IFT43: variants seen among roughly 807,000 people sequenced by gnomAD.
IFT43 encodes the protein intraflagellar transport 43.
In IFT43, 33 loss-of-function variants were observed where a neutral mutation model predicts 32.3. That is an observed-to-expected ratio of 1.02 (90% CI 0.77 to 1.37). IFT43 has a LOEUF of 1.37. Ranked by LOEUF, IFT43 falls within the 40% of genes most tolerant of loss-of-function variation. IFT43 has a pLI of 0.00. For missense variants in IFT43, 274 were observed against 265.9 expected (o/e 1.03, Z -0.21); for synonymous variants, 93 against 98.2 (o/e 0.95, Z 0.31).
intron 3 of IFT43, among the ~76,000 whole-genome samples, chr14:76,035,764 G>A (rs1357845769): frequency 1.3e-5 from 2 of 152,228 alleles, no homozygotes; most frequent in Non-Finnish European, 2.9e-5. Flanking sequence ...TGCCCAGCTG[G>A]TGTGCCATGT....
At chr14:76,065,673 A>G (rs2037214999) in intron 5 of IFT43, among the ~76,000 whole-genome samples, 1 of 152,170 alleles carries the variant, frequency 6.6e-6, no homozygotes, top group South Asian at 2.1e-4. Context: ...TGTTGCATAC[A>G]TCATTAGCCT....
At chr14:76,074,910 C>T (rs997318015) in intron 5 of IFT43, among the ~76,000 whole-genome samples, 3 of 152,220 alleles carry the variant, frequency 2.0e-5, no homozygotes, top group African/African-American at 7.2e-5. Context: ...GCTGTCACAG[C>T]TTAGGGGGCT....
intron 5 of IFT43, among the ~76,000 whole-genome samples, chr14:76,064,025 T>TG (rs998878462): frequency 5.3e-5 from 8 of 152,058 alleles, no homozygotes; most frequent in Admixed American, 4.6e-4. Flanking sequence ...GGGCAGGGGA[T>TG]GGGGGGCAAT....
chr14:76,062,093 CAG>C (rs1197371651), intron 5 of IFT43, among the ~76,000 whole-genome samples: 2 of 148,312 alleles, frequency 1.3e-5, no homozygotes, highest in African/African-American at 5.0e-5. Flanking sequence ...TTTTTTTAAA[CAG>C]AGTCTCACTC....
intron 3 of IFT43, among the ~76,000 whole-genome samples, chr14:76,055,585 A>G (rs1175095341): frequency 6.6e-6 from 1 of 152,158 alleles, no homozygotes; most frequent in Non-Finnish European, 1.5e-5. Flanking sequence ...CCTGAAGTTT[A>G]AAAAACATCG....
intron 2 of IFT43, among the ~76,000 whole-genome samples, chr14:76,000,756 G>T (rs1416081876): frequency 6.6e-6 from 1 of 152,186 alleles, no homozygotes; most frequent in African/African-American, 2.4e-5. Context: ...ATTGGCTGTT[G>T]GAAGTGGGAG....
chr14:76,024,977 G>T (rs1195918101), intron 3 of IFT43, among the ~76,000 whole-genome samples: 1 of 152,150 alleles, frequency 6.6e-6, no homozygotes, highest in African/African-American at 2.4e-5. Flanking sequence ...TAAGTCAGAA[G>T]GAGCAAGTGC....
intron 1 of IFT43, 44 bp downstream of exon 1, chr14:75,985,884 T>G (rs552272190): frequency 9.4e-6 from 15 of 1,598,480 alleles, no homozygotes; most frequent in Admixed American, 1.7e-5. Context: ...ATTTGGCGGG[T>G]GGGGAGGAGC....
chr14:75,989,257 G>A (rs1411803588), intron 2 of IFT43, among the ~76,000 whole-genome samples: 1 of 151,992 alleles, frequency 6.6e-6, no homozygotes, highest in Non-Finnish European at 1.5e-5. Context: ...TCAAAATCCA[G>A]TAGGATTCCA....
At chr14:76,048,820 C>T (rs1267357111) in intron 3 of IFT43, among the ~76,000 whole-genome samples, 2 of 152,148 alleles carry the variant, frequency 1.3e-5, no homozygotes, top group East Asian at 3.9e-4. Flanking sequence ...AGGGATTCAC[C>T]AGGGTGGGCC....
chr14:75,992,339 A>G (rs1241101402), intron 2 of IFT43, among the ~76,000 whole-genome samples: 1 of 152,214 alleles, frequency 6.6e-6, no homozygotes, highest in Non-Finnish European at 1.5e-5. Flanking sequence ...GACGCTTTTT[A>G]ATAAACTGAA....
intron 3 of IFT43, among the ~76,000 whole-genome samples, chr14:76,036,075 G>A (rs2036592370): frequency 6.6e-6 from 1 of 152,164 alleles, no homozygotes; most frequent in Non-Finnish European, 1.5e-5. Flanking sequence ...AATAAATAAT[G>A]CAATTGATTC....
chr14:76,015,104 C>T (rs181599604), intron 2 of IFT43, among the ~76,000 whole-genome samples: 6 of 152,254 alleles, frequency 3.9e-5, no homozygotes, highest in Non-Finnish European at 7.4e-5. Flanking sequence ...ACATAGGTAA[C>T]AAGGTTGATT....
rs1462377959 is a variant in IFT43 at position 75,999,263 on chromosome 14, A to T, written c.147+10286A>T. 7.7e-4 allele frequency among the ~76,000 whole-genome samples: 19 copies of T among 24,558 alleles called. 2 individuals are homozygous for T. Among genetic ancestry groups the T allele is most frequent in the African/African-American group, 4.4e-3 (17 of 3,830 alleles). 16.1% of individuals were successfully genotyped at this position (24,558 alleles called of 152,430 possible). On this transcript the variant is annotated intron_variant, in intron 2 of 8. Coordinates refer to ENST00000314067, the MANE Select transcript of IFT43 (RefSeq NM_001102564.3). ...TATATATATATATATATATATATAT[A>T]TATATATATGTATATATATTTTTTT...
At chr14:76,056,102 ACAG>A (rs57907565) in intron 3 of IFT43, among the ~76,000 whole-genome samples, 112 of 152,304 alleles carry the variant, frequency 7.4e-4, no homozygotes, top group Non-Finnish European at 1.2e-3. Context: ...CAAAAAATAG[ACAG>A]CAGTATGGTT....
chr14:76,022,334 C>G lies in IFT43; in HGVS notation c.155C>G (p.Ser52Cys). ...ACTTCTCTTTCCTTGTAGACTTCCT[C>G]TGCTAAATTACCTCGCTGCCGACAG... ...SSLTLTGETSSAKLPRCRQGG... is the reference protein window; with the variant it reads ...SSLTLTGETSCAKLPRCRQGG... Residue 52 changes from serine to cysteine, a missense_variant, in exon 3 of 9, where the codon TCT (serine) becomes TGT (cysteine). Physicochemically the swap from Ser to Cys is moderately radical, Grantham distance 112. Coordinates refer to ENST00000314067, the MANE Select transcript of IFT43 (RefSeq NM_001102564.3). 3 of 1,613,396 alleles carry G rather than the reference C, an allele frequency of 1.9e-6. No homozygotes were observed. In the South Asian group the frequency reaches 3.3e-5, roughly 18 times the overall value.
chr14:76,082,634 T>C lies in IFT43; in HGVS notation c.386T>C (p.Val129Ala). The C allele has an allele frequency of 6.2e-7, 1 of 1,614,046 alleles. No homozygotes were observed. Among genetic ancestry groups the C allele is most frequent in the East Asian group, 2.2e-5 (1 of 44,872 alleles). The change falls in exon 7 of 9, where the codon GTG becomes GCG. Residue 129 changes from valine (V) to alanine (A), a missense_variant. By Grantham distance (64) the Val-to-Ala change is moderately conservative (BLOSUM62 0). Coordinates refer to ENST00000314067, the MANE Select transcript of IFT43 (RefSeq NM_001102564.3). ...AAPPSIQIKR[V>A]MTYRDLDNDL... ...TCCTTCAGCATCCAGATAAAGCGGGTGATGACCTACCGTGACCTGGACAAT... is the reference window on the plus strand; with the variant it reads ...TCCTTCAGCATCCAGATAAAGCGGGCGATGACCTACCGTGACCTGGACAAT...
chr14:76,058,256 A>G (rs1379956953), intron 3 of IFT43: 5 of 262,248 alleles, frequency 1.9e-5, no homozygotes, highest in Non-Finnish European at 3.7e-5. Flanking sequence ...TGCAAGTCGC[A>G]AGTGCTGACA....
intron 5 of IFT43, among the ~76,000 whole-genome samples, chr14:76,062,361 C>T (rs549209145): frequency 1.3e-5 from 2 of 152,142 alleles, no homozygotes; most frequent in South Asian, 2.1e-4. Flanking sequence ...TGAGCCACCG[C>T]GCCCGGCCTG....
Sources: allele counts gnomAD v4.1 joint callset (sites outside exome capture counted in the v4.1 genomes callset), GRCh38; gene constraint gnomAD v4.1.1; transcripts MANE v1.5; gene names NCBI Gene and HGNC (gene_info 2026-07-23, HGNC 2026-07-21).